SYTL3: variants seen among roughly 807,000 people sequenced by gnomAD.
SYTL3 encodes synaptotagmin like 3.
A neutral mutation model predicts 82.1 loss-of-function variants in SYTL3; 88 were observed. The ratio of observed to expected loss-of-function variants is 1.07; its 90% CI spans 0.90 to 1.28. The LOEUF (loss-of-function observed/expected upper bound fraction) is 1.28, where lower values mean the gene tolerates loss of function less well. Among genes scored for constraint, SYTL3 ranks in the 50% most tolerant of loss-of-function variants. SYTL3 has a pLI of 0.00. For missense variants in SYTL3, 831 were observed against 757.6 expected (o/e 1.10, Z -1.14); for synonymous variants, 311 against 289.4 (o/e 1.07, Z -0.76).
At position 158,746,456 on chromosome 6, in the gene SYTL3, A is replaced by AT. The variant is rs1554263756; in HGVS notation, c.1034+799dup. Among the ~76,000 whole-genome samples the AT allele has an allele frequency of 8.1e-3, 1,118 of 138,622 alleles. 4 individuals carry two copies. Among genetic ancestry groups the AT allele is most frequent in the Non-Finnish European group, 0.011 (725 of 63,544 alleles). The allele number at this position is 138,622 out of a possible 152,430, so 90.9% of individuals were successfully genotyped here. Reference sequence around the variant, plus strand: ...TAGCACCATTATAATAATAATAATAATAATATTATTATTATTATTATTATT... The same window carrying AT: ...TAGCACCATTATAATAATAATAATAATTAATATTATTATTATTATTATTATT... On this transcript the variant is annotated intron_variant, in intron 12 of 17. Transcript: ENST00000611299.
At chr6:158,690,545 A>G (rs541901847) in intron 6 of SYTL3, among the ~76,000 whole-genome samples, 2 of 152,342 alleles carry the variant, frequency 1.3e-5, no homozygotes, top group East Asian at 1.9e-4. Context: ...TAGACATGCT[A>G]TAAGAATCTA....
chr6:158,743,926 T>C (rs898260813), intron 11 of SYTL3, among the ~76,000 whole-genome samples: 2 of 152,050 alleles, frequency 1.3e-5, no homozygotes, highest in African/African-American at 4.8e-5. Context: ...TATTGTTTGT[T>C]TGTTTGTTTT....
chr6:158,656,054 A>G (rs528536650), intron 2 of SYTL3, among the ~76,000 whole-genome samples: 1 of 152,320 alleles, frequency 6.6e-6, no homozygotes, highest in African/African-American at 2.4e-5. Flanking sequence ...TCGGGAGGTC[A>G]CGACTGGGAT....
intron 5 of SYTL3, among the ~76,000 whole-genome samples, chr6:158,672,152 A>T (rs1039828417): frequency 6.6e-6 from 1 of 152,120 alleles, no homozygotes; most frequent in Admixed American, 6.5e-5. Context: ...TTAGGTGGGC[A>T]TGGTCGTGTG....
chr6:158,656,461 C>T (rs1788687579), intron 2 of SYTL3, among the ~76,000 whole-genome samples: 1 of 152,216 alleles, frequency 6.6e-6, no homozygotes, highest in Non-Finnish European at 1.5e-5. Flanking sequence ...TGCGATGGCT[C>T]ACGCCTGTAA....
chr6:158,735,304 G>A (rs1317344490), intron 11 of SYTL3, among the ~76,000 whole-genome samples: 1 of 152,008 alleles, frequency 6.6e-6, no homozygotes, highest in East Asian at 1.9e-4. Flanking sequence ...CATTAACTTT[G>A]AGTATTAATC....
intron 5 of SYTL3, among the ~76,000 whole-genome samples, chr6:158,672,872 T>C (rs1480508217): frequency 6.6e-6 from 1 of 152,094 alleles, no homozygotes; most frequent in Non-Finnish European, 1.5e-5. Flanking sequence ...TGGCCTCAAG[T>C]GATCTGCCCG....
intron 13 of SYTL3, among the ~76,000 whole-genome samples, chr6:158,753,951 C>A (rs1336317271): frequency 6.6e-6 from 1 of 152,006 alleles, no homozygotes; most frequent in African/African-American, 2.4e-5. Flanking sequence ...CGGCCAGCCT[C>A]ATCCTTAATA....
intron 6 of SYTL3, among the ~76,000 whole-genome samples, chr6:158,689,313 G>A (rs1356935542): frequency 6.6e-6 from 1 of 151,506 alleles, no homozygotes; most frequent in Non-Finnish European, 1.5e-5. Flanking sequence ...TATCAGTTTG[G>A]CAAAACAACA....
chr6:158,749,933 C>T (rs79028437), intron 12 of SYTL3, among the ~76,000 whole-genome samples: 1 of 152,184 alleles, frequency 6.6e-6, no homozygotes, highest in Non-Finnish European at 1.5e-5. Context: ...TACCCTATCA[C>T]TCCTGGTTAT....
At chr6:158,720,679 A>G (rs952102202) in intron 10 of SYTL3, among the ~76,000 whole-genome samples, 4 of 152,190 alleles carry the variant, frequency 2.6e-5, no homozygotes, top group African/African-American at 9.7e-5. Flanking sequence ...GATGCCTGGC[A>G]TTGTTCTCAG....
At chr6:158,739,359 G>A (rs1786626215) in intron 11 of SYTL3, among the ~76,000 whole-genome samples, 1 of 151,756 alleles carries the variant, frequency 6.6e-6, no homozygotes, top group Non-Finnish European at 1.5e-5. Flanking sequence ...TTTTCTCTTT[G>A]TCTTTGATTT....
intron 2 of SYTL3, among the ~76,000 whole-genome samples, chr6:158,654,967 C>T (rs560038327): frequency 6.6e-6 from 1 of 152,254 alleles, no homozygotes; most frequent in East Asian, 1.9e-4. Context: ...AAAAATGTAG[C>T]AGGGGAGTTA....
chr6:158,749,231 TAATA>T (rs1186283944), intron 12 of SYTL3, among the ~76,000 whole-genome samples: 3 of 149,836 alleles, frequency 2.0e-5, no homozygotes, highest in Admixed American at 6.6e-5. Flanking sequence ...TCTCATTAAA[TAATA>T]AATAAAAATT....
intron 2 of SYTL3, among the ~76,000 whole-genome samples, chr6:158,657,090 G>T (rs951434689): frequency 3.3e-5 from 5 of 152,002 alleles, no homozygotes; most frequent in African/African-American, 1.2e-4. Context: ...CTTACTATAG[G>T]CTCATTCAGT....
intron 16 of SYTL3, among the ~76,000 whole-genome samples, chr6:158,762,738 G>C (rs1583528111): frequency 6.6e-6 from 1 of 152,102 alleles, no homozygotes; most frequent in East Asian, 1.9e-4. Flanking sequence ...CCAACATGAT[G>C]AAACCCCATC....
chr6:158,692,034 G>A (rs1208380966), intron 6 of SYTL3, among the ~76,000 whole-genome samples: 2 of 145,930 alleles, frequency 1.4e-5, no homozygotes, highest in Non-Finnish European at 3.0e-5. Context: ...GAGGCGGGCG[G>A]ATCACGAGGT....
intron 6 of SYTL3, among the ~76,000 whole-genome samples, chr6:158,693,850 C>T (rs372793034): frequency 0.088 from 5,079 of 57,410 alleles, 231 homozygotes; most frequent in Middle Eastern, 0.13. Flanking sequence ...CTTTCTTTTT[C>T]TTTTCTTTTT....
chr6:158,675,722 C>G (rs1383114618), intron 5 of SYTL3, among the ~76,000 whole-genome samples: 1 of 152,016 alleles, frequency 6.6e-6, no homozygotes. Flanking sequence ...CCAAGATGGG[C>G]GGATCATGAG....
Sources: gnomAD v4.1 joint callset for allele counts (sites outside exome capture counted in the v4.1 genomes callset) on GRCh38, gnomAD v4.1.1 for gene constraint, MANE v1.5 for transcripts, NCBI Gene and HGNC (gene_info 2026-07-23, HGNC 2026-07-21) for gene names.